NDUFAF2: variants seen among roughly 807,000 people sequenced by gnomAD.
NDUFAF2 encodes the protein NADH dehydrogenase [ubiquinone] 1 alpha subcomplex assembly factor 2.
NDUFAF2 carries 13 observed loss-of-function variants against 22.8 expected under a neutral mutation model. The ratio of observed to expected loss-of-function variants is 0.57; its 90% CI spans 0.37 to 0.91. The LOEUF (loss-of-function observed/expected upper bound fraction) is 0.91, where lower values mean the gene tolerates loss of function less well. Among genes scored for constraint, NDUFAF2 ranks in the 40% least tolerant of loss-of-function variants. The probability of loss-of-function intolerance (pLI) is 0.01; values close to 1 mark genes in which losing one functional copy is unlikely to be tolerated. For missense variants in NDUFAF2, 162 were observed against 195.2 expected (o/e 0.83, Z 1.01); for synonymous variants, 53 against 64.2 (o/e 0.83, Z 0.84).
intron 1 of NDUFAF2, among the ~76,000 whole-genome samples, chr5:61,015,013 G>A (rs1475416329): frequency 1.3e-5 from 2 of 152,146 alleles, no homozygotes; most frequent in African/African-American, 4.8e-5. Flanking sequence ...TAATAATGCA[G>A]AATTTTTGTT....
chr5:61,055,743 C>T lies in NDUFAF2; in HGVS notation c.128-17382C>T, dbSNP rs376948235. 2.6e-5 allele frequency among the ~76,000 whole-genome samples: 4 copies of T among 152,108 alleles called. No homozygotes were observed. In the East Asian group the frequency reaches 7.7e-4, roughly 29 times the overall value. Reference sequence around the variant, plus strand: ...AATAAAAAAGGGAGGCAGCATGAACCTGACTATATGTGGACACTGTTTTTG... The same window carrying T: ...AATAAAAAAGGGAGGCAGCATGAACTTGACTATATGTGGACACTGTTTTTG... On this transcript the variant is annotated intron_variant, in intron 1 of 3. Coordinates refer to ENST00000296597, the MANE Select transcript of NDUFAF2 (RefSeq NM_174889.5).
At chr5:61,052,810 G>A (rs193124696) in intron 1 of NDUFAF2, among the ~76,000 whole-genome samples, 1 of 152,248 alleles carries the variant, frequency 6.6e-6, no homozygotes, top group Non-Finnish European at 1.5e-5. Flanking sequence ...AGTAAAACCA[G>A]TTTTTCTGGG....
At chr5:61,019,985 G>A (rs1248762424) in intron 1 of NDUFAF2, among the ~76,000 whole-genome samples, 1 of 152,052 alleles carries the variant, frequency 6.6e-6, no homozygotes. Context: ...CAAATTCAAT[G>A]TCTTTAATAG....
chr5:61,007,941 GC>G (rs576789436), intron 1 of NDUFAF2, among the ~76,000 whole-genome samples: 71 of 152,112 alleles, frequency 4.7e-4, no homozygotes, highest in Admixed American at 2.6e-3. Flanking sequence ...AGAAAATGTG[GC>G]ACATATACAC....
chr5:61,047,896 G>C (rs1435081321), intron 1 of NDUFAF2, among the ~76,000 whole-genome samples: 1 of 152,084 alleles, frequency 6.6e-6, no homozygotes, highest in African/African-American at 2.4e-5. Flanking sequence ...TGAAAGGAAA[G>C]CCTTTCTAGC....
intron 3 of NDUFAF2, among the ~76,000 whole-genome samples, chr5:61,134,283 TAGAG>T (rs1228091423): frequency 1.4e-5 from 2 of 139,096 alleles, no homozygotes; most frequent in Admixed American, 1.5e-4. Context: ...AAATGACAGG[TAGAG>T]GGAGGGAACA....
At chr5:61,147,130 G>T (rs769333112) in intron 3 of NDUFAF2, among the ~76,000 whole-genome samples, 2 of 151,978 alleles carry the variant, frequency 1.3e-5, no homozygotes, top group Non-Finnish European at 2.9e-5. Flanking sequence ...TTCACCTCTT[G>T]ATTACATGAT....
intron 1 of NDUFAF2, among the ~76,000 whole-genome samples, chr5:60,969,335 T>C (rs1215790172): frequency 6.6e-6 from 1 of 152,152 alleles, no homozygotes; most frequent in African/African-American, 2.4e-5. Flanking sequence ...ACCAAGAGTA[T>C]ACAAGGGTTC....
chr5:61,035,247 A>C (rs1751783435), intron 1 of NDUFAF2, among the ~76,000 whole-genome samples: 1 of 151,694 alleles, frequency 6.6e-6, no homozygotes, highest in South Asian at 2.1e-4. Flanking sequence ...TCGTATTTTT[A>C]GTAGAGATGG....
intron 3 of NDUFAF2, among the ~76,000 whole-genome samples, chr5:61,128,122 A>C (rs548329376): frequency 1.3e-5 from 2 of 152,328 alleles, no homozygotes; most frequent in African/African-American, 2.4e-5. Context: ...GGAGAACTAC[A>C]AACCACTGCT....
intron 1 of NDUFAF2, among the ~76,000 whole-genome samples, chr5:60,955,999 C>A (rs965035036): frequency 1.2e-4 from 18 of 151,520 alleles, no homozygotes; most frequent in Non-Finnish European, 2.6e-4. Context: ...ACTGCAACCT[C>A]TGCCCCTGGG....
intron 1 of NDUFAF2, among the ~76,000 whole-genome samples, chr5:61,061,064 C>T (rs1376424168): frequency 1.3e-5 from 2 of 152,122 alleles, no homozygotes; most frequent in Admixed American, 6.6e-5. Context: ...GAGTCATACT[C>T]ACCTACAGGG....
chr5:61,020,963 G>C (rs1180761410), intron 1 of NDUFAF2, among the ~76,000 whole-genome samples: 1 of 150,854 alleles, frequency 6.6e-6, no homozygotes, highest in African/African-American at 2.4e-5. Flanking sequence ...CAGACTGCTG[G>C]GATTACAGGC....
intron 1 of NDUFAF2, among the ~76,000 whole-genome samples, chr5:61,004,493 C>A (rs910058848): frequency 6.6e-6 from 1 of 151,974 alleles, no homozygotes; most frequent in Non-Finnish European, 1.5e-5. Flanking sequence ...AATAAAAGAG[C>A]ATTCTTGAGA....
chr5:60,968,731 AT>A (rs1047139620), intron 1 of NDUFAF2, among the ~76,000 whole-genome samples: 2 of 152,004 alleles, frequency 1.3e-5, no homozygotes, highest in Non-Finnish European at 2.9e-5. Flanking sequence ...TCTTCTAGTT[AT>A]TTTAAAATGT....
chr5:61,047,940 G>A (rs974414122), intron 1 of NDUFAF2, among the ~76,000 whole-genome samples: 3 of 151,996 alleles, frequency 2.0e-5, no homozygotes, highest in Non-Finnish European at 4.4e-5. Flanking sequence ...CTTACTTCAT[G>A]GCAGATGGAA....
At chr5:61,023,145 A>G (rs1751607130) in intron 1 of NDUFAF2, among the ~76,000 whole-genome samples, 2 of 152,238 alleles carry the variant, frequency 1.3e-5, no homozygotes, top group South Asian at 4.1e-4. Flanking sequence ...ATGCCTAGTA[A>G]AGATACAGAT....
chr5:61,014,484 G>T (rs1305861367), intron 1 of NDUFAF2, among the ~76,000 whole-genome samples: 2 of 152,152 alleles, frequency 1.3e-5, no homozygotes, highest in Non-Finnish European at 2.9e-5. Context: ...TGAGTTCTGT[G>T]AGCTGTGCTA....
intron 1 of NDUFAF2, among the ~76,000 whole-genome samples, chr5:61,040,272 ACACACACACACACACGCG>A (rs1028760429): frequency 1.7e-5 from 2 of 119,842 alleles, no homozygotes; most frequent in Admixed American, 7.9e-5. Context: ...ACACACACAC[ACACACACACACACACGCG>A]CGCGCGCGCG....
Sources: allele counts gnomAD v4.1 joint callset (sites outside exome capture counted in the v4.1 genomes callset), GRCh38; gene constraint gnomAD v4.1.1; transcripts MANE v1.5; gene names NCBI Gene and HGNC (gene_info 2026-07-23, HGNC 2026-07-21).